The following CELF2 variants were observed in gnomAD, a reference collection of about 807,000 sequenced individuals.
CELF2 encodes the protein CUGBP Elav-like family member 2.
In CELF2, 8 loss-of-function variants were observed where a neutral mutation model predicts 62.6. The ratio of observed to expected loss-of-function variants is 0.13; its 90% confidence interval spans 0.07 to 0.23. CELF2 has a LOEUF of 0.23. CELF2 is among the 10% of genes least tolerant of loss of function. The pLI, the probability that CELF2 is intolerant of heterozygous loss-of-function variation, is 1.00. For missense variants in CELF2, 333 were observed against 671.0 expected, an observed-to-expected ratio of 0.50 and a Z score of 5.56; for synonymous variants, 258 against 250.0, an observed-to-expected ratio of 1.03 and a Z score of -0.30.
the CELF2 span, among the ~76,000 whole-genome samples, chr10:10,476,725 A>T: frequency 0.99 from 150,833 of 152,304 alleles, 74,697 homozygotes; most frequent in Non-Finnish European, 1. Context: ...AAGATATTTT[A>T]AAAATGAGAA....
the CELF2 span, among the ~76,000 whole-genome samples, chr10:10,495,665 G>C: frequency 6.6e-6 from 1 of 152,150 alleles, no homozygotes; most frequent in Non-Finnish European, 1.5e-5. Context: ...ATAGTTACCT[G>C]CTGCCATCCA....
At chr10:10,523,801 G>A in the CELF2 span, among the ~76,000 whole-genome samples, 3 of 152,156 alleles carry the variant, frequency 2.0e-5, no homozygotes, top group African/African-American at 7.2e-5. Flanking sequence ...TGCAGGGGTG[G>A]GGAGAGCCTT....
At chr10:11,158,315 A>C (rs982674071) in intron 1 of CELF2, among the ~76,000 whole-genome samples, 1 of 152,202 alleles carries the variant, frequency 6.6e-6, no homozygotes, top group African/African-American at 2.4e-5. Context: ...CACTGAGCTC[A>C]GCCGCAGGAG....
chr10:11,015,412 T>C (rs1259998589), upstream of CELF2, among the ~76,000 whole-genome samples: 1 of 152,188 alleles, frequency 6.6e-6, no homozygotes, highest in Admixed American at 6.5e-5. The surrounding 1 kb of genome is among the most constrained non-coding windows in gnomAD (Gnocchi z 4.8). Context: ...CAATAACCTA[T>C]GGTGGGGGGT....
chr10:10,773,727 C>A, the CELF2 span, among the ~76,000 whole-genome samples: 33 of 152,310 alleles, frequency 2.2e-4, no homozygotes, highest in African/African-American at 7.7e-4. Flanking sequence ...CAAAGCCCAG[C>A]CCTCCATGCT....
intron 1 of CELF2, among the ~76,000 whole-genome samples, chr10:11,025,237 G>GTATATATATA (rs763592456): frequency 0.028 from 1,416 of 49,810 alleles, 28 homozygotes; most frequent in African/African-American, 0.05. Flanking sequence ...GTGTGTGTGT[G>GTATATATATA]TGTATATGTA....
At chr10:10,893,707 G>A (rs1273871335) in intron 1 of CELF2, among the ~76,000 whole-genome samples, 1 of 152,220 alleles carries the variant, frequency 6.6e-6, no homozygotes, top group Non-Finnish European at 1.5e-5. Flanking sequence ...AAGGCAAAAA[G>A]GGAGTGGGAC....
At chr10:10,509,275 G>A in the CELF2 span, among the ~76,000 whole-genome samples, 1 of 152,122 alleles carries the variant, frequency 6.6e-6, no homozygotes, top group Non-Finnish European at 1.5e-5. Context: ...TGCTTGTGAT[G>A]TTGATAGAGA....
At chr10:10,815,404 G>A (rs2131833726) in intron 1 of CELF2, among the ~76,000 whole-genome samples, 1 of 152,298 alleles carries the variant, frequency 6.6e-6, no homozygotes, top group Admixed American at 6.5e-5. Flanking sequence ...GAGAAAAACA[G>A]CTCCTGAGAA....
chr10:10,573,082 A>G, the CELF2 span, among the ~76,000 whole-genome samples: 3 of 151,948 alleles, frequency 2.0e-5, no homozygotes, highest in Admixed American at 6.6e-5. Context: ...TGTGGTTTTG[A>G]TTTGAATTTC....
At chr10:10,650,918 G>T in the CELF2 span, among the ~76,000 whole-genome samples, 2 of 152,214 alleles carry the variant, frequency 1.3e-5, no homozygotes, top group Admixed American at 6.5e-5. Context: ...CAGCGTGAGC[G>T]ACGCAGAAGA....
chr10:10,648,452 T>C, the CELF2 span, among the ~76,000 whole-genome samples: 11 of 152,214 alleles, frequency 7.2e-5, no homozygotes, highest in Non-Finnish European at 1.5e-4. Context: ...CTTTCATGCA[T>C]ACTTATCGCT....
intron 1 of CELF2, among the ~76,000 whole-genome samples, chr10:11,078,075 C>T (rs2072649875): frequency 6.6e-6 from 1 of 152,148 alleles, no homozygotes; most frequent in Admixed American, 6.6e-5. Context: ...ATAATTCCCT[C>T]CATTCGTGTT....
chr10:10,952,686 A>C (rs2048459302), intron 2 of CELF2, among the ~76,000 whole-genome samples: 1 of 152,122 alleles, frequency 6.6e-6, no homozygotes, highest in African/African-American at 2.4e-5. Flanking sequence ...AAAAAAAAAA[A>C]AAAGAGGTGG....
At chr10:11,284,136 T>TGC (rs1430452359) in intron 8 of CELF2, among the ~76,000 whole-genome samples, 24 of 126,498 alleles carry the variant, frequency 1.9e-4, no homozygotes, top group Non-Finnish European at 3.0e-4. Flanking sequence ...GATGGATGAG[T>TGC]GTGTGGTGGG....
chr10:10,883,471 G>T (rs879003112), intron 1 of CELF2, among the ~76,000 whole-genome samples: 1 of 152,182 alleles, frequency 6.6e-6, no homozygotes, highest in Non-Finnish European at 1.5e-5. Context: ...TTAAATGTGT[G>T]TTGTCTACGG....
intron 2 of CELF2, among the ~76,000 whole-genome samples, chr10:10,965,411 A>G (rs1383404896): frequency 1.3e-5 from 2 of 152,218 alleles, no homozygotes; most frequent in Non-Finnish European, 2.9e-5. Context: ...TGTGATTAAC[A>G]TAATTCCTGG....
At chr10:10,828,210 A>G (rs954557036) in intron 1 of CELF2, among the ~76,000 whole-genome samples, 5 of 152,178 alleles carry the variant, frequency 3.3e-5, no homozygotes, top group South Asian at 2.1e-4. Flanking sequence ...TTGTATACCT[A>G]TGTTCACAGC....
chr10:11,328,773 G>T lies in CELF2; in HGVS notation c.1439-153G>T, dbSNP rs949945510. On this transcript the variant is annotated intron_variant, in intron 12 of 12. Transcript: ENST00000633077. The surrounding 1 kb of genome is among the most constrained non-coding windows in gnomAD (Gnocchi z 6.4). ...TGGGCACGCCCCATCATCCACTCAC[G>T]GTGGACTCACGATCAGTTCCGCAGA... Among the ~76,000 whole-genome samples the T allele has an allele frequency of 1.3e-5, 2 of 152,148 alleles. No homozygotes were observed. The highest frequency in any genetic ancestry group is 4.8e-5 in the African/African-American group (2 of 41,436).
Sources: allele counts gnomAD v4.1 joint callset (sites outside exome capture counted in the v4.1 genomes callset), GRCh38; gene constraint gnomAD v4.1.1; non-coding constraint Gnocchi (gnomAD v3.1); transcripts MANE v1.5; gene names NCBI Gene and HGNC (gene_info 2026-07-23, HGNC 2026-07-21).